STK32B: variants seen among roughly 807,000 people sequenced by gnomAD.
The protein encoded by STK32B is serine/threonine kinase 32B, also known as serine/threonine-protein kinase 32B.
Under a neutral mutation model 52.6 loss-of-function variants are expected in STK32B, and 43 were observed. The observed-to-expected ratio is 0.82, with a 90% CI of 0.64 to 1.05. The LOEUF is 1.05. Ranked by LOEUF, STK32B falls within the 50% of genes least tolerant of loss-of-function variation. The pLI, the probability that STK32B is intolerant of heterozygous loss-of-function variation, is 0.00. For synonymous variants in STK32B, 238 were observed against 204.3 expected (o/e 1.17, Z -1.41); for missense variants, 621 against 534.6 (o/e 1.16, Z -1.59).
chr4:5,163,133 C>T (rs1049472862), intron 2 of STK32B, among the ~76,000 whole-genome samples: 13 of 152,072 alleles, frequency 8.5e-5, no homozygotes, highest in Non-Finnish European at 1.0e-4. Flanking sequence ...CAGGCAGTAG[C>T]GGGTAAGGAG....
At position 5,317,411 on chromosome 4, in the gene STK32B, G is replaced by A. The variant is rs1447538070; in HGVS notation, c.261-13809G>A. Among the ~76,000 whole-genome samples, 10 of 17,964 alleles carry A rather than the reference G, an allele frequency of 5.6e-4. 2 individuals carry two copies. The highest frequency in any genetic ancestry group is 4.8e-3 in the African/African-American group (10 of 2,062). The allele number at this position is 17,964 out of a possible 152,430, so 11.8% of individuals were successfully genotyped here. A position where few individuals can be genotyped will look rare whatever the true frequency, so the allele number is the denominator to read the frequency against. ...TATATATAATATATATAATGTATATGTATTATATATAATACATATATATTA... is the reference window on the plus strand; with the variant it reads ...TATATATAATATATATAATGTATATATATTATATATAATACATATATATTA... On this transcript the variant is annotated intron_variant, in intron 3 of 11. Transcript: ENST00000282908.
chr4:5,251,653 T>G (rs1222341661), intron 3 of STK32B, among the ~76,000 whole-genome samples: 4 of 152,186 alleles, frequency 2.6e-5, no homozygotes, highest in Non-Finnish European at 5.9e-5. Flanking sequence ...TTTGAATCTG[T>G]AAACTTTTGA....
rs565924449 is a variant in STK32B at position 5,275,301 on chromosome 4, T to C, written c.261-55919T>C. The stretch of plus-strand genomic sequence containing the variant: ...TTATCACAGAGAGAGATAGAACGAA[T>C]TGATTTTGTTCCAGTTTGGCAGATC... On this transcript the variant is annotated intron_variant, in intron 3 of 11. Coordinates refer to ENST00000282908, the MANE Select transcript of STK32B (RefSeq NM_018401.3). Among the ~76,000 whole-genome samples, 9 of 152,376 alleles carry C rather than the reference T, an allele frequency of 5.9e-5. 2 individuals are homozygous for C. In the South Asian group the frequency reaches 1.9e-3, roughly 32 times the overall value.
chr4:5,471,520 CAG>C (rs146454778), intron 11 of STK32B, among the ~76,000 whole-genome samples: 1,920 of 152,258 alleles, frequency 0.013, 33 homozygotes, highest in African/African-American at 0.044. Context: ...ACCTTGATTT[CAG>C]ACTCTAGCCT....
chr4:5,440,475 A>G (rs1378026292), intron 6 of STK32B, among the ~76,000 whole-genome samples: 2 of 152,166 alleles, frequency 1.3e-5, no homozygotes, highest in African/African-American at 4.8e-5. Flanking sequence ...ACTTTGCTGA[A>G]GTTGCTTATC....
chr4:5,294,513 G>A (rs971458275), intron 3 of STK32B, among the ~76,000 whole-genome samples: 12 of 151,964 alleles, frequency 7.9e-5, no homozygotes, highest in Non-Finnish European at 1.8e-4. Flanking sequence ...GTATTCTTAG[G>A]TATTTTATTC....
chr4:5,233,381 T>A (rs1292942342), intron 3 of STK32B, among the ~76,000 whole-genome samples: 2 of 152,074 alleles, frequency 1.3e-5, no homozygotes, highest in African/African-American at 4.8e-5. Flanking sequence ...AAGAGAACAG[T>A]TGACATGATG....
Position 5,097,099 on chromosome 4 carries a change from A to G in STK32B, c.53-42806A>G, listed in dbSNP as rs984020704. ...GACTTTGATTCTTCTTCTTGTCCCA[A>G]CTATTGCTTTATGAACGTGAAAAGT... On this transcript the variant is annotated intron_variant, in intron 1 of 11. Transcript: ENST00000282908. Among the ~76,000 whole-genome samples the G allele has an allele frequency of 3.9e-5, 6 of 152,314 alleles. No homozygotes were observed. In the East Asian group the frequency reaches 9.7e-4, roughly 25 times the overall value.
chr4:5,464,319 A>G (rs189016167), intron 9 of STK32B, among the ~76,000 whole-genome samples: 5 of 152,294 alleles, frequency 3.3e-5, no homozygotes, highest in African/African-American at 1.2e-4. Flanking sequence ...AGACAAGCCC[A>G]AGCTTGGCCT....
chr4:5,255,700 C>G lies in STK32B; in HGVS notation c.261-75520C>G, dbSNP rs79235350. ...ATAAATACTGTTTTATGTTTGGCTA[C>G]TTTCACTTAACATAATGTCTTTGAG... On this transcript the variant is annotated intron_variant, in intron 3 of 11. Transcript: ENST00000282908. Among the ~76,000 whole-genome samples the G allele has an allele frequency of 3.2e-3, 480 of 152,190 alleles. 5 individuals carry two copies. The highest frequency in any genetic ancestry group is 0.017 in the Admixed American group (265 of 15,268).
At chr4:5,387,516 A>G (rs1407414161) in intron 4 of STK32B, among the ~76,000 whole-genome samples, 1 of 152,166 alleles carries the variant, frequency 6.6e-6, no homozygotes, top group African/African-American at 2.4e-5. Flanking sequence ...AGTGATGCCC[A>G]AACTGAGAGG....
rs145510971 is a variant in STK32B at position 5,371,469 on chromosome 4, G to A, written c.435-26738G>A. Among the ~76,000 whole-genome samples, 15 of 152,294 alleles carry A rather than the reference G, an allele frequency of 9.8e-5. 1 individual carries two copies. In the East Asian group the frequency reaches 2.7e-3, roughly 27 times the overall value. ...GAGGATGAGGCCTAGGAGAAAAGCAGGTTCAGGGGAGCCTGTCTAAAGTTT... is the reference window on the plus strand; with the variant it reads ...GAGGATGAGGCCTAGGAGAAAAGCAAGTTCAGGGGAGCCTGTCTAAAGTTT... On this transcript the variant is annotated intron_variant, in intron 4 of 11. Transcript: ENST00000282908.
At chr4:5,227,360 G>T (rs1018372558) in intron 3 of STK32B, among the ~76,000 whole-genome samples, 1 of 152,102 alleles carries the variant, frequency 6.6e-6, no homozygotes, top group Non-Finnish European at 1.5e-5. Flanking sequence ...TTAGTAATTT[G>T]AAAAATAGTC....
intron 5 of STK32B, among the ~76,000 whole-genome samples, chr4:5,404,951 C>T (rs1737562061): frequency 6.7e-6 from 1 of 148,596 alleles, no homozygotes; most frequent in South Asian, 2.2e-4. Context: ...ACTGCAAGCT[C>T]CGTCTCCCAG....
chr4:5,417,113 C>T (rs1712231354), intron 6 of STK32B, among the ~76,000 whole-genome samples, 179 bp downstream of exon 6: 1 of 152,238 alleles, frequency 6.6e-6, no homozygotes, highest in Non-Finnish European at 1.5e-5. Context: ...TCCAAGCTGT[C>T]TCCTCTGCTA....
At chr4:5,319,005 T>C (rs892639509) in intron 3 of STK32B, among the ~76,000 whole-genome samples, 7 of 152,018 alleles carry the variant, frequency 4.6e-5, no homozygotes, top group Admixed American at 6.6e-5. Flanking sequence ...GGGGTTTCAC[T>C]GTGTTTGCGA....
At chr4:5,176,438 CT>C (rs34628636) in intron 3 of STK32B, among the ~76,000 whole-genome samples, 22,409 of 111,794 alleles carry the variant, frequency 0.2, 2,435 homozygotes, top group East Asian at 0.32. Flanking sequence ...CGGCCATCAT[CT>C]TTTTTTTTTT....
chr4:5,494,150 C>T lies in STK32B; in HGVS notation c.1107-4795C>T, dbSNP rs867745685. On this transcript the variant is annotated intron_variant, in intron 11 of 11. Coordinates refer to ENST00000282908, the MANE Select transcript of STK32B (RefSeq NM_018401.3). ...GGGTATCTTTGTTAACTTTCTGTCT[C>T]GTTGATCTGTCTAATGTTGACAGTG... Among the ~76,000 whole-genome samples, 82 of 152,186 alleles carry T rather than the reference C, an allele frequency of 5.4e-4. 1 individual carries two copies. The South Asian group carries it at 0.014, about 26-fold the overall frequency.
chr4:5,157,567 A>T (rs1445284225), intron 2 of STK32B, among the ~76,000 whole-genome samples: 2 of 152,158 alleles, frequency 1.3e-5, no homozygotes, highest in Non-Finnish European at 2.9e-5. Context: ...GGATCTGGGG[A>T]AAAGGTCATC....
Sources: allele counts gnomAD v4.1 joint callset (sites outside exome capture counted in the v4.1 genomes callset), GRCh38; gene constraint gnomAD v4.1.1; transcripts MANE v1.5; gene names NCBI Gene and HGNC (gene_info 2026-07-23, HGNC 2026-07-21).